MIPOL1: variants seen among roughly 807,000 people sequenced by gnomAD.
MIPOL1 encodes the protein mirror-image polydactyly 1.
Under a neutral mutation model 60.9 loss-of-function variants are expected in MIPOL1, and 57 were observed. The observed-to-expected ratio is 0.94, with a 90% CI of 0.76 to 1.17. The LOEUF (loss-of-function observed/expected upper bound fraction) is 1.17. Among genes scored for constraint, MIPOL1 ranks in the 50% most tolerant of loss-of-function variants. MIPOL1 has a pLI of 0.00. For synonymous variants in MIPOL1, 179 were observed against 168.8 expected (o/e 1.06, Z -0.47); for missense variants, 551 against 511.6 (o/e 1.08, Z -0.74).
intron 12 of MIPOL1, among the ~76,000 whole-genome samples, chr14:37,533,649 T>A (rs2095492164): frequency 6.6e-6 from 1 of 152,134 alleles, no homozygotes. Flanking sequence ...ACATCCTTTT[T>A]AAAAAATACC....
At chr14:37,324,645 G>A (rs1472777663) in intron 9 of MIPOL1, among the ~76,000 whole-genome samples, 4 of 152,076 alleles carry the variant, frequency 2.6e-5, no homozygotes, top group Non-Finnish European at 4.4e-5. Flanking sequence ...TTGCAAAGCT[G>A]ACAGCTTGTT....
chr14:37,490,145 C>T (rs1749327741), intron 11 of MIPOL1, among the ~76,000 whole-genome samples: 1 of 152,168 alleles, frequency 6.6e-6, no homozygotes, highest in African/African-American at 2.4e-5. Context: ...CAGAGATGCC[C>T]TGCCCAGAGA....
intron 11 of MIPOL1, among the ~76,000 whole-genome samples, chr14:37,489,406 G>T (rs144511967): frequency 2.0e-5 from 3 of 152,100 alleles, no homozygotes; most frequent in East Asian, 3.9e-4. Context: ...TGCTCCTTTA[G>T]CTCAGAGGAG....
chr14:37,290,672 A>C (rs2084975501), intron 7 of MIPOL1, among the ~76,000 whole-genome samples: 1 of 152,104 alleles, frequency 6.6e-6, no homozygotes, highest in Non-Finnish European at 1.5e-5. Context: ...GGATTATTTG[A>C]TTCTTCCTTT....
intron 12 of MIPOL1, chr14:37,503,334 G>T (rs572675249): frequency 2.2e-4 from 33 of 152,256 alleles, no homozygotes; most frequent in African/African-American, 7.9e-4. Flanking sequence ...AGGTTGAAAT[G>T]AAGGAAAAAA....
intron 9 of MIPOL1, 105 bp from the exon 10 acceptor site, chr14:37,369,412 T>C: frequency 1.7e-6 from 1 of 591,088 alleles, no homozygotes; most frequent in South Asian, 3.1e-5. Flanking sequence ...AAAAAAAACC[T>C]TGTCTTTTAG....
At chr14:37,459,489 A>AC (rs1397125025) in intron 11 of MIPOL1, among the ~76,000 whole-genome samples, 3 of 152,182 alleles carry the variant, frequency 2.0e-5, no homozygotes, top group African/African-American at 7.2e-5. Context: ...CCCTGATCAG[A>AC]CCTGTAATGA....
At chr14:37,430,152 T>C (rs1196152475) in intron 11 of MIPOL1, among the ~76,000 whole-genome samples, 1 of 152,152 alleles carries the variant, frequency 6.6e-6, no homozygotes, top group Non-Finnish European at 1.5e-5. Context: ...CAGCTGTGAT[T>C]AAAAAGAACA....
intron 11 of MIPOL1, among the ~76,000 whole-genome samples, chr14:37,489,266 G>A (rs1238281614): frequency 6.6e-6 from 1 of 152,054 alleles, no homozygotes; most frequent in Non-Finnish European, 1.5e-5. Flanking sequence ...TGATACTTGT[G>A]TATGTATCAC....
intron 11 of MIPOL1, among the ~76,000 whole-genome samples, chr14:37,432,848 G>T (rs1444414132): frequency 6.6e-6 from 1 of 152,162 alleles, no homozygotes; most frequent in Non-Finnish European, 1.5e-5. Flanking sequence ...ATGAGATCTA[G>T]GAGATCTGGC....
At chr14:37,338,623 G>A (rs533549443) in intron 9 of MIPOL1, among the ~76,000 whole-genome samples, 1 of 151,758 alleles carries the variant, frequency 6.6e-6, no homozygotes, top group African/African-American at 2.4e-5. Flanking sequence ...TTCCCAGGCT[G>A]GTCTAGAAGT....
intron 11 of MIPOL1, 51 bp downstream of exon 11, chr14:37,423,000 T>C (rs2093902365): frequency 1.8e-6 from 2 of 1,134,668 alleles, no homozygotes; most frequent in African/African-American, 1.6e-5. Context: ...GTTTGGGAAA[T>C]GTTTCTACCT....
At chr14:37,420,778 C>G (rs562872682) in intron 10 of MIPOL1, among the ~76,000 whole-genome samples, 72 of 152,096 alleles carry the variant, frequency 4.7e-4, no homozygotes, top group African/African-American at 1.6e-3. Context: ...TAGTGGGATG[C>G]AGTACTTCAA....
chr14:37,310,142 T>G (rs149920583), intron 9 of MIPOL1, among the ~76,000 whole-genome samples: 215 of 152,128 alleles, frequency 1.4e-3, no homozygotes, highest in African/African-American at 4.8e-3. Flanking sequence ...CATTTCTCTT[T>G]GCCCTCTTCC....
At chr14:37,400,037 A>G (rs1184486701) in intron 10 of MIPOL1, 2 of 152,170 alleles carry the variant, frequency 1.3e-5, no homozygotes. Flanking sequence ...AGCCCTGAAG[A>G]TAAAATTTTG....
At chr14:37,530,484 G>A (rs927136381) in intron 12 of MIPOL1, among the ~76,000 whole-genome samples, 1 of 152,144 alleles carries the variant, frequency 6.6e-6, no homozygotes, top group African/African-American at 2.4e-5. Flanking sequence ...AATTTCTATG[G>A]AATGATAGCA....
At chr14:37,373,993 CCCA>C (rs1273972721) in intron 10 of MIPOL1, among the ~76,000 whole-genome samples, 2 of 152,142 alleles carry the variant, frequency 1.3e-5, no homozygotes, top group Non-Finnish European at 2.9e-5. Flanking sequence ...AATTTACACT[CCCA>C]CCAACAGTGT....
intron 7 of MIPOL1, among the ~76,000 whole-genome samples, chr14:37,295,830 C>G (rs1306641619): frequency 1.3e-5 from 2 of 152,152 alleles, no homozygotes; most frequent in Admixed American, 6.5e-5. Flanking sequence ...TACAAAATGA[C>G]TTAGACCCCC....
At position 37,320,686 on chromosome 14, in the gene MIPOL1, C is replaced by T. The variant is rs1216671765; in HGVS notation, c.828+12167C>T. Among the ~76,000 whole-genome samples, 5 of 152,166 alleles carry T rather than the reference C, an allele frequency of 3.3e-5. No homozygotes were observed. The East Asian group carries it at 9.7e-4, about 29-fold the overall frequency. On this transcript the variant is annotated intron_variant, in intron 9 of 12. Coordinates refer to ENST00000684589, the MANE Select transcript of MIPOL1 (RefSeq NM_001388067.1). The stretch of plus-strand genomic sequence containing the variant: ...TCAGAAACCCTTGCCATTCCCATAG[C>T]ACTGAACATGTTCTACTGTGCTTTC...
Sources: gnomAD v4.1 joint callset for allele counts (sites outside exome capture counted in the v4.1 genomes callset) on GRCh38, gnomAD v4.1.1 for gene constraint, MANE v1.5 for transcripts, NCBI Gene and HGNC (gene_info 2026-07-23, HGNC 2026-07-21) for gene names.